CATSPERD: variants seen among roughly 807,000 people sequenced by gnomAD.
The protein encoded by CATSPERD is catsper channel auxiliary subunit delta, also known as cation channel sperm-associated auxiliary subunit delta.
CATSPERD carries 86 observed loss-of-function variants against 98.1 expected under a neutral mutation model. The ratio of observed to expected loss-of-function variants is 0.88; its 90% CI spans 0.74 to 1.05. The LOEUF (loss-of-function observed/expected upper bound fraction) is 1.05. CATSPERD is among the 50% of genes least tolerant of loss of function. The pLI is 0.00. For missense variants in CATSPERD, 995 were observed against 1,005.7 expected (o/e 0.99, Z 0.14); for synonymous variants, 394 against 390.2 (o/e 1.01, Z -0.12).
intron 18 of CATSPERD, among the ~76,000 whole-genome samples, chr19:5,770,145 C>T (rs1008089481): frequency 4.7e-5 from 7 of 148,540 alleles, no homozygotes; most frequent in Non-Finnish European, 8.9e-5. Context: ...TGGCAAAAAC[C>T]GGCCGGGCGC....
rs7254793 is a variant in CATSPERD at position 5,720,669 on chromosome 19, C to T, written c.-69C>T. On this transcript the variant is annotated 5_prime_UTR_variant, in exon 1 of 22. It adds an upstream start codon to the 5' untranslated region. Coordinates refer to ENST00000381624, the MANE Select transcript of CATSPERD (RefSeq NM_152784.4). ...CGCATGCGCAGGGCTTCAGCCTGCA[C>T]GTACTCGGATTGTGCAGCGACTCCC... 1.9e-5 allele frequency: 28 copies of T among 1,476,820 alleles called. No individual in the cohort carries two copies. The African/African-American group carries it at 3.6e-4, about 19-fold the overall frequency. 91.5% of individuals were successfully genotyped at this position (1,476,820 alleles called of 1,614,324 possible). A position where few individuals can be genotyped will look rare whatever the true frequency, so the allele number is the denominator to read the frequency against.
At chr19:5,777,389 C>G (rs1034754581) in intron 21 of CATSPERD, among the ~76,000 whole-genome samples, 4 of 152,178 alleles carry the variant, frequency 2.6e-5, no homozygotes, top group African/African-American at 9.7e-5. Flanking sequence ...GTCCCCCTCC[C>G]TGCCGTGGAT....
At chr19:5,770,827 C>T (rs903241439) in intron 18 of CATSPERD, 117 bp from the exon 19 acceptor site, 13 of 1,242,096 alleles carry the variant, frequency 1.0e-5, no homozygotes, top group South Asian at 1.5e-5. Context: ...CAGATGCCAC[C>T]TCCTGCCACT....
At chr19:5,769,153 C>G (rs1318422718) in intron 18 of CATSPERD, among the ~76,000 whole-genome samples, 1 of 139,434 alleles carries the variant, frequency 7.2e-6, no homozygotes, top group Non-Finnish European at 1.6e-5. Flanking sequence ...GACTCTGTCT[C>G]AAAAAAAAAA....
Position 5,754,133 on chromosome 19 carries a change from TAG to T in CATSPERD, c.1169_1170del (p.Glu390ValfsTer14), listed in dbSNP as rs1476567620. 1 of 1,595,290 alleles carries T rather than the reference TAG, an allele frequency of 6.3e-7. No homozygotes were observed. Among genetic ancestry groups the T allele is most frequent in the African/African-American group, 1.3e-5 (1 of 74,518 alleles). ...TTTCTTCTTCGCCTTTTTAACTAGA[TAG>T]AGTTTCTGACAGGAGAATTTATATA... On this transcript the variant is annotated frameshift_variant and splice_region_variant, in exon 13 of 22. Transcript: ENST00000381624. LOFTEE classifies it high-confidence loss of function.
At chr19:5,721,156 G>A (rs1210924100) in intron 1 of CATSPERD, among the ~76,000 whole-genome samples, 1 of 151,472 alleles carries the variant, frequency 6.6e-6, no homozygotes, top group Non-Finnish European at 1.5e-5. Context: ...CTGCCACCAC[G>A]CCCGGCTAAT....
intron 17 of CATSPERD, among the ~76,000 whole-genome samples, chr19:5,767,319 A>AG (rs2056558633): frequency 6.8e-6 from 1 of 148,040 alleles, no homozygotes; most frequent in East Asian, 2.0e-4. Flanking sequence ...TCTGTCTCAA[A>AG]AAAAAAAAAA....
rs1387683003 is a variant in CATSPERD, at chr19:5,746,522, G to A, written c.808+459G>A. 2.6e-5 allele frequency among the ~76,000 whole-genome samples: 4 copies of A among 152,014 alleles called. No individual in the cohort carries two copies. The East Asian group carries it at 5.8e-4, about 22-fold the overall frequency. ...TGGCCCACTGCAAGCTCCGCCTCCCGGGTTCACACCATTCTCTGGCTTCAG... is the reference window on the plus strand; with the variant it reads ...TGGCCCACTGCAAGCTCCGCCTCCCAGGTTCACACCATTCTCTGGCTTCAG... On this transcript the variant is annotated intron_variant, in intron 9 of 21. Transcript: ENST00000381624.
chr19:5,776,111 G>T, intron 20 of CATSPERD, 50 bp from the exon 21 acceptor site: 2 of 1,585,492 alleles, frequency 1.3e-6, no homozygotes, highest in South Asian at 1.1e-5. Context: ...GAGGCTCAGG[G>T]CCCCCTCCCC....
intron 1 of CATSPERD, among the ~76,000 whole-genome samples, chr19:5,721,651 A>T (rs2055480877): frequency 6.6e-6 from 1 of 152,110 alleles, no homozygotes; most frequent in Non-Finnish European, 1.5e-5. Flanking sequence ...ATGATTCCTT[A>T]ACCTTATTTT....
intron 5 of CATSPERD, 77 bp from the exon 6 acceptor site, chr19:5,737,056 CAAAAA>C (rs2055861264): frequency 1.1e-6 from 1 of 897,402 alleles, no homozygotes; most frequent in African/African-American, 1.7e-5. Context: ...GACTCTGTCT[CAAAAA>C]CAAAACAAAA....
chr19:5,736,483 G>A (rs986402309), intron 5 of CATSPERD, among the ~76,000 whole-genome samples: 7 of 152,208 alleles, frequency 4.6e-5, no homozygotes, highest in African/African-American at 1.2e-4. Context: ...TTGGGAGGCC[G>A]AGGCGGGTGG....
chr19:5,732,675 G>A (rs572464201), intron 4 of CATSPERD, among the ~76,000 whole-genome samples: 14 of 151,744 alleles, frequency 9.2e-5, no homozygotes, highest in Admixed American at 3.3e-4. Flanking sequence ...GTTTTGTTTT[G>A]TTTTGTTTTG....
chr19:5,775,022 A>G (rs2144697638), intron 20 of CATSPERD, among the ~76,000 whole-genome samples: 1 of 152,170 alleles, frequency 6.6e-6, no homozygotes, highest in Admixed American at 6.6e-5. Flanking sequence ...GTCTCAAAAT[A>G]AAAAAGTCAT....
At chr19:5,736,036 C>T (rs999459607) in intron 5 of CATSPERD, among the ~76,000 whole-genome samples, 6 of 151,984 alleles carry the variant, frequency 3.9e-5, no homozygotes, top group African/African-American at 1.5e-4. Context: ...TTCAGCCTCC[C>T]AAAGTGCTGG....
At chr19:5,765,411 TTC>T (rs2056518706) in intron 16 of CATSPERD, among the ~76,000 whole-genome samples, 7 of 36,382 alleles carry the variant, frequency 1.9e-4, no homozygotes, top group African/African-American at 2.8e-4. Context: ...GATTTATTCA[TTC>T]ATTCATTCAT....
Position 5,768,166 on chromosome 19 carries a change from A to G in CATSPERD, c.1560-2A>G, listed in dbSNP as rs747777374. ...TTGCTCAATGTCCACTTTTGCTTGC[A>G]GCAAAGTTTCCGCCTGTTCCATGGG... On this transcript the variant is annotated splice_acceptor_variant, in intron 17 of 21. Coordinates refer to ENST00000381624, the MANE Select transcript of CATSPERD (RefSeq NM_152784.4). LOFTEE classifies it high-confidence loss of function. The G allele has an allele frequency of 1.9e-6, 3 of 1,613,102 alleles. No homozygotes were observed. In the East Asian group the frequency reaches 6.7e-5, roughly 36 times the overall value.
chr19:5,723,700 G>A (rs1003428363), intron 1 of CATSPERD, among the ~76,000 whole-genome samples: 18 of 151,614 alleles, frequency 1.2e-4, no homozygotes, highest in Non-Finnish European at 2.9e-5. Context: ...TCCTGACTTC[G>A]TGATCCACCC....
chr19:5,776,411 G>C, intron 21 of CATSPERD, 96 bp downstream of exon 21: 1 of 1,408,468 alleles, frequency 7.1e-7, no homozygotes, highest in Non-Finnish European at 9.7e-7. Flanking sequence ...GGCTAAACCT[G>C]AATTCCCCCA....
Sources: gnomAD v4.1 joint callset for allele counts (sites outside exome capture counted in the v4.1 genomes callset) on GRCh38, gnomAD v4.1.1 for gene constraint, MANE v1.5 for transcripts, NCBI Gene and HGNC (gene_info 2026-07-23, HGNC 2026-07-21) for gene names.